Variants in VEGFC observed in about 807,000 individuals in gnomAD.
VEGFC encodes the protein FLT4 ligand DHM.
VEGFC carries 12 observed loss-of-function variants against 46.1 expected under a neutral mutation model. The observed-to-expected ratio is 0.26, with a 90% CI of 0.17 to 0.42. VEGFC has a LOEUF of 0.42. Ranked by LOEUF, VEGFC falls within the 10% of genes least tolerant of loss-of-function variation. The probability of loss-of-function intolerance (pLI) is 1.00; values close to 1 mark genes in which losing one functional copy is unlikely to be tolerated. For missense variants in VEGFC, 488 were observed against 529.4 expected, an observed-to-expected ratio of 0.92 and a Z score of 0.77; for synonymous variants, 232 against 195.5, an observed-to-expected ratio of 1.19 and a Z score of -1.56.
chr4:176,695,180 G>T (rs1180577197), intron 4 of VEGFC, among the ~76,000 whole-genome samples: 15,927 of 151,770 alleles, frequency 0.1, 2,794 homozygotes, highest in African/African-American at 0.36. Flanking sequence ...AAAAATTAAT[G>T]AATCCAGGAG....
At chr4:176,718,021 T>C (rs1213755317) in intron 3 of VEGFC, among the ~76,000 whole-genome samples, 1 of 152,118 alleles carries the variant, frequency 6.6e-6, no homozygotes, top group East Asian at 1.9e-4. Context: ...GTACCACAAT[T>C]AAAATAAAAA....
intron 1 of VEGFC, among the ~76,000 whole-genome samples, chr4:176,759,738 T>TAA (rs11398595): frequency 1.3e-4 from 19 of 150,940 alleles, no homozygotes; most frequent in South Asian, 6.3e-4. Context: ...TTTTAAAAAG[T>TAA]AAAAAAAAAT....
chr4:176,703,401 C>T lies in VEGFC; in HGVS notation c.704+8098G>A, dbSNP rs142760023. Among the ~76,000 whole-genome samples the T allele has an allele frequency of 2.2e-4, 34 of 152,102 alleles. No individual in the cohort carries two copies. The South Asian group carries it at 7.1e-3, about 32-fold the overall frequency. ...GAAAGACACATATCTCATGTTCTCA[C>T]TCATTTATGAGAGCCAAAAAGTGAA... On this transcript the variant is annotated intron_variant, in intron 4 of 6. Coordinates refer to ENST00000618562, the MANE Select transcript of VEGFC (RefSeq NM_005429.5).
chr4:176,734,473 T>C (rs1340889191), intron 1 of VEGFC, among the ~76,000 whole-genome samples: 1 of 151,844 alleles, frequency 6.6e-6, no homozygotes, highest in African/African-American at 2.4e-5. Context: ...GACTACACTA[T>C]CACATTTTTA....
At chr4:176,772,527 C>G (rs1735740316) in intron 1 of VEGFC, among the ~76,000 whole-genome samples, 1 of 152,160 alleles carries the variant, frequency 6.6e-6, no homozygotes, top group African/African-American at 2.4e-5. Flanking sequence ...CTAGAAAGTA[C>G]AATGACGCAA....
At chr4:176,757,312 G>C (rs1260820705) in intron 1 of VEGFC, among the ~76,000 whole-genome samples, 1 of 151,872 alleles carries the variant, frequency 6.6e-6, no homozygotes, top group African/African-American at 2.4e-5. Flanking sequence ...AATGGAATAA[G>C]CAATAATAAA....
chr4:176,704,011 A>G (rs1198995024), intron 4 of VEGFC, among the ~76,000 whole-genome samples: 1 of 152,124 alleles, frequency 6.6e-6, no homozygotes, highest in Non-Finnish European at 1.5e-5. Flanking sequence ...ATTAGTAAAT[A>G]AACATCTCTA....
chr4:176,695,740 G>A (rs1319471097), intron 4 of VEGFC, among the ~76,000 whole-genome samples: 1 of 151,796 alleles, frequency 6.6e-6, no homozygotes, highest in African/African-American at 2.4e-5. Flanking sequence ...ATAAAATACT[G>A]GCAAAACGAA....
Position 176,792,387 on chromosome 4 carries a change from G to T in VEGFC, c.-76C>A. 8.2e-7 allele frequency: 1 copy of T among 1,212,734 alleles called. No individual in the cohort carries two copies. The highest frequency in any genetic ancestry group is 1.1e-6 in the Non-Finnish European group (1 of 919,228). The allele number at this position is 1,212,734 out of a possible 1,614,324, so 75.1% of individuals were successfully genotyped here. On this transcript the variant is annotated 5_prime_UTR_variant, in exon 1 of 7. Coordinates refer to ENST00000618562, the MANE Select transcript of VEGFC (RefSeq NM_005429.5). This position sits in a 1 kb window ranked among gnomAD's most constrained non-coding sequence, Gnocchi z 6.3. The stretch of plus-strand genomic sequence containing the variant: ...GGGGCGCGGGCGCCCCTGCGAGGCC[G>T]CGGGCCCCTCCTGGTCCCTCTCCCC...
chr4:176,740,683 G>A (rs1357692972), intron 1 of VEGFC, among the ~76,000 whole-genome samples: 2 of 150,742 alleles, frequency 1.3e-5, no homozygotes, highest in African/African-American at 2.4e-5. Context: ...TTTTAGATTT[G>A]CCATCGTCAT....
intron 1 of VEGFC, among the ~76,000 whole-genome samples, chr4:176,770,072 AAAATATCTGATAG>A (rs1735697220): frequency 6.6e-6 from 1 of 152,198 alleles, no homozygotes; most frequent in African/African-American, 2.4e-5. Context: ...CTCAGATTAA[AAAATATCTGATAG>A]TTACATATGA....
intron 1 of VEGFC, among the ~76,000 whole-genome samples, chr4:176,740,512 TATATAG>T (rs1320563660): frequency 5.6e-5 from 3 of 53,178 alleles, no homozygotes; most frequent in African/African-American, 9.0e-5. Context: ...ATATATTCTA[TATATAG>T]AGAGTATATA....
At chr4:176,773,279 G>A (rs1166498424) in intron 1 of VEGFC, among the ~76,000 whole-genome samples, 1 of 152,216 alleles carries the variant, frequency 6.6e-6, no homozygotes, top group East Asian at 1.9e-4. Flanking sequence ...AAGCACAGGA[G>A]TCTGGACATT....
At chr4:176,766,845 T>G (rs1445627340) in intron 1 of VEGFC, among the ~76,000 whole-genome samples, 1 of 151,834 alleles carries the variant, frequency 6.6e-6, no homozygotes, top group Non-Finnish European at 1.5e-5. Context: ...AGGTTGATCG[T>G]AAATATAAAT....
At chr4:176,771,167 G>A (rs976684627) in intron 1 of VEGFC, among the ~76,000 whole-genome samples, 2 of 152,108 alleles carry the variant, frequency 1.3e-5, no homozygotes, top group Non-Finnish European at 2.9e-5. Context: ...CAGCATATGT[G>A]ACAATTACCC....
At chr4:176,750,024 T>C (rs1735316758) in intron 1 of VEGFC, among the ~76,000 whole-genome samples, 1 of 151,836 alleles carries the variant, frequency 6.6e-6, no homozygotes, top group Non-Finnish European at 1.5e-5. Context: ...AATAGATCGG[T>C]AAACAATCTT....
rs779746169 is a variant in VEGFC at position 176,765,550 on chromosome 4, A to ATTT, written c.147+26612_147+26614dup. Among the ~76,000 whole-genome samples the ATTT allele has an allele frequency of 1.3e-4, 17 of 131,484 alleles. 1 individual carries two copies. The highest frequency in any genetic ancestry group is 4.8e-4 in the South Asian group (2 of 4,154). 86.3% of individuals were successfully genotyped at this position (131,484 alleles called of 152,430 possible). A position where few individuals can be genotyped will look rare whatever the true frequency, so the allele number is the denominator to read the frequency against. On this transcript the variant is annotated intron_variant, in intron 1 of 6. Transcript: ENST00000618562. Reference sequence around the variant, plus strand: ...AGAACTACTGAAATCCAAAGACAGAATTTTTTTTTTTTTTTTTTTTTTTGA... The same window carrying ATTT: ...AGAACTACTGAAATCCAAAGACAGAATTTTTTTTTTTTTTTTTTTTTTTTTTGA...
At chr4:176,769,641 G>T (rs1041915177) in intron 1 of VEGFC, among the ~76,000 whole-genome samples, 1 of 152,182 alleles carries the variant, frequency 6.6e-6, no homozygotes, top group Non-Finnish European at 1.5e-5. Context: ...CAGGGATGGA[G>T]TTAGAATTCT....
intron 4 of VEGFC, among the ~76,000 whole-genome samples, chr4:176,688,295 A>G (rs1734083183): frequency 6.6e-6 from 1 of 152,164 alleles, no homozygotes; most frequent in Admixed American, 6.5e-5. Flanking sequence ...TATGTCATTG[A>G]GTAGAGTTCT....
Sources: gnomAD v4.1 joint callset for allele counts (sites outside exome capture counted in the v4.1 genomes callset) on GRCh38, gnomAD v4.1.1 for gene constraint, Gnocchi (gnomAD v3.1) non-coding constraint, MANE v1.5 for transcripts, NCBI Gene and HGNC (gene_info 2026-07-23, HGNC 2026-07-21) for gene names.